The following CRPPA variants were observed in gnomAD, a reference collection of about 807,000 sequenced individuals.
CRPPA encodes the protein CDP-L-ribitol pyrophosphorylase A.
Under a neutral mutation model 52.0 loss-of-function variants are expected in CRPPA, and 43 were observed. The observed-to-expected ratio is 0.83, with a 90% CI of 0.65 to 1.07. The LOEUF is 1.07. CRPPA is among the 50% of genes least tolerant of loss of function. The pLI is 0.00. For missense variants in CRPPA, 629 were observed against 551.7 expected (o/e 1.14, Z -1.40); for synonymous variants, 250 against 203.5 (o/e 1.23, Z -1.94).
chr7:16,259,864 A>G (rs1304444953), intron 6 of CRPPA, among the ~76,000 whole-genome samples: 1 of 152,002 alleles, frequency 6.6e-6, no homozygotes, highest in African/African-American at 2.4e-5. Flanking sequence ...TACATTATCT[A>G]TTTAGTAGCT....
At chr7:16,290,178 A>C (rs1298718809) in intron 5 of CRPPA, among the ~76,000 whole-genome samples, 1 of 152,070 alleles carries the variant, frequency 6.6e-6, no homozygotes, top group Non-Finnish European at 1.5e-5. Context: ...GAAGACATCC[A>C]TGCTCATGAA....
At chr7:16,386,231 C>T (rs2128313904) in intron 2 of CRPPA, among the ~76,000 whole-genome samples, 1 of 152,216 alleles carries the variant, frequency 6.6e-6, no homozygotes, top group East Asian at 1.9e-4. Context: ...CTGACCACCC[C>T]CAGCTGAACT....
At chr7:16,324,565 C>G (rs1386286284) in intron 3 of CRPPA, among the ~76,000 whole-genome samples, 1 of 152,218 alleles carries the variant, frequency 6.6e-6, no homozygotes, top group Admixed American at 6.5e-5. Context: ...CAACAACACA[C>G]TGTATTCAAG....
At chr7:16,382,867 A>G (rs969439374) in intron 2 of CRPPA, among the ~76,000 whole-genome samples, 2 of 151,858 alleles carry the variant, frequency 1.3e-5, no homozygotes, top group African/African-American at 4.8e-5. Flanking sequence ...ACTTCTCTGT[A>G]TTGGTTATTC....
At chr7:16,216,729 G>C (rs1004169757) in intron 8 of CRPPA, among the ~76,000 whole-genome samples, 2 of 152,174 alleles carry the variant, frequency 1.3e-5, no homozygotes, top group South Asian at 2.1e-4. Context: ...TGCGCTTTTC[G>C]GACCAGCTTA....
intron 6 of CRPPA, among the ~76,000 whole-genome samples, chr7:16,268,351 A>T (rs1321046349): frequency 2.0e-5 from 3 of 152,130 alleles, no homozygotes; most frequent in African/African-American, 7.2e-5. Context: ...ATCCCAAGAA[A>T]ATCATGCAAT....
At chr7:16,339,888 A>G (rs987392183) in intron 3 of CRPPA, among the ~76,000 whole-genome samples, 1 of 152,116 alleles carries the variant, frequency 6.6e-6, no homozygotes, top group African/African-American at 2.4e-5. Context: ...TGTAATCAAG[A>G]TAGTGTGATA....
At chr7:16,161,641 T>C (rs1780888918) in intron 9 of CRPPA, among the ~76,000 whole-genome samples, 1 of 152,118 alleles carries the variant, frequency 6.6e-6, no homozygotes, top group Non-Finnish European at 1.5e-5. Flanking sequence ...TGGCCTGAAA[T>C]TTTGTTTTTT....
intron 3 of CRPPA, among the ~76,000 whole-genome samples, chr7:16,365,288 T>C (rs1046586782): frequency 3.3e-5 from 5 of 152,170 alleles, no homozygotes; most frequent in African/African-American, 1.2e-4. Context: ...GAACAGGACA[T>C]TGGAGGTAAC....
intron 8 of CRPPA, 46 bp downstream of exon 8, chr7:16,258,344 A>G (rs1783699824): frequency 8.5e-7 from 1 of 1,182,218 alleles, no homozygotes; most frequent in Non-Finnish European, 1.2e-6. Context: ...TGAGTTACAA[A>G]GAAGGAAGCA....
intron 5 of CRPPA, among the ~76,000 whole-genome samples, chr7:16,301,071 T>G (rs562403867): frequency 1.3e-5 from 2 of 152,170 alleles, no homozygotes; most frequent in Non-Finnish European, 2.9e-5. Flanking sequence ...CACGACACTG[T>G]TAAGGGGAGA....
chr7:16,170,800 A>G lies in CRPPA; in HGVS notation c.1251+45266T>C, dbSNP rs372952979. Among the ~76,000 whole-genome samples, 8 of 152,212 alleles carry G rather than the reference A, an allele frequency of 5.3e-5. 1 individual carries two copies. Among genetic ancestry groups the G allele is most frequent in the African/African-American group, 1.9e-4 (8 of 41,560 alleles). Reference sequence around the variant, plus strand: ...CCAGCAGTGCTGGGGGACCTGGTGCACCCTATGCAGCTACTGGCCCAGGTG... The same window carrying G: ...CCAGCAGTGCTGGGGGACCTGGTGCGCCCTATGCAGCTACTGGCCCAGGTG... On this transcript the variant is annotated intron_variant, in intron 9 of 9. Coordinates refer to ENST00000407010, the MANE Select transcript of CRPPA (RefSeq NM_001101426.4).
intron 3 of CRPPA, among the ~76,000 whole-genome samples, chr7:16,352,510 T>A (rs1488519605): frequency 6.6e-6 from 1 of 152,008 alleles, no homozygotes; most frequent in East Asian, 1.9e-4. Context: ...AGAAAAATGC[T>A]CAACATCTTT....
At chr7:16,225,332 C>T (rs1239238683) in intron 8 of CRPPA, among the ~76,000 whole-genome samples, 2 of 151,938 alleles carry the variant, frequency 1.3e-5, no homozygotes, top group African/African-American at 2.4e-5. Flanking sequence ...GGTGGTCTCT[C>T]TTACAAGAAC....
chr7:16,213,119 C>A (rs1019167929), intron 9 of CRPPA, among the ~76,000 whole-genome samples: 1 of 152,298 alleles, frequency 6.6e-6, no homozygotes, highest in Middle Eastern at 3.4e-3. Context: ...TAAGACTACA[C>A]ACTCTAAGCT....
At chr7:16,347,926 A>T (rs1297640859) in intron 3 of CRPPA, among the ~76,000 whole-genome samples, 1 of 152,070 alleles carries the variant, frequency 6.6e-6, no homozygotes, top group East Asian at 1.9e-4. Context: ...AGGAAAAAAA[A>T]TGGTGGTTTT....
At chr7:16,202,747 G>A (rs1326792963) in intron 9 of CRPPA, among the ~76,000 whole-genome samples, 1 of 152,170 alleles carries the variant, frequency 6.6e-6, no homozygotes, top group Non-Finnish European at 1.5e-5. Flanking sequence ...GGAAGCCAAA[G>A]CTAAGCATTA....
chr7:16,369,203 C>A (rs566788273), intron 3 of CRPPA, among the ~76,000 whole-genome samples: 1 of 152,246 alleles, frequency 6.6e-6, no homozygotes, highest in South Asian at 2.1e-4. Context: ...TGCACAATTT[C>A]TGTTCATTTT....
intron 9 of CRPPA, among the ~76,000 whole-genome samples, chr7:16,132,563 G>A (rs1782699114): frequency 8.0e-6 from 1 of 124,750 alleles, no homozygotes; most frequent in Admixed American, 8.1e-5. Context: ...TGGAAAAAGA[G>A]ATTGAGTAAA....
Sources: allele counts gnomAD v4.1 joint callset (sites outside exome capture counted in the v4.1 genomes callset), GRCh38; gene constraint gnomAD v4.1.1; transcripts MANE v1.5; gene names NCBI Gene and HGNC (gene_info 2026-07-23, HGNC 2026-07-21).